GNAL: variants seen among roughly 807,000 people sequenced by gnomAD.
The protein encoded by GNAL is G protein subunit alpha L.
A neutral mutation model predicts 55.1 loss-of-function variants in GNAL; 18 were observed. That is an observed-to-expected ratio of 0.33 (90% CI 0.23 to 0.48). The LOEUF is 0.48. Among genes scored for constraint, GNAL ranks in the 20% least tolerant of loss-of-function variants. The probability of loss-of-function intolerance (pLI) is 0.99; values close to 1 mark genes in which losing one functional copy is unlikely to be tolerated. For synonymous variants in GNAL, 253 were observed against 237.0 expected (o/e 1.07, Z -0.62); for missense variants, 412 against 614.1 (o/e 0.67, Z 3.48).
At chr18:11,821,799 C>A (rs1421265825) in intron 4 of GNAL, among the ~76,000 whole-genome samples, 1 of 152,104 alleles carries the variant, frequency 6.6e-6, no homozygotes, top group Non-Finnish European at 1.5e-5. Context: ...GAGCAGGGGC[C>A]CCAGTAAATG....
At chr18:11,796,585 A>AAC (rs796241018) in intron 4 of GNAL, among the ~76,000 whole-genome samples, 1 of 149,346 alleles carries the variant, frequency 6.7e-6, no homozygotes, top group African/African-American at 2.5e-5. Flanking sequence ...CAAAAAAAAA[A>AAC]AAAAAAAAAA....
At chr18:11,822,820 CTTTTTTTT>C (rs56128456) in intron 4 of GNAL, among the ~76,000 whole-genome samples, 7 of 139,774 alleles carry the variant, frequency 5.0e-5, no homozygotes, top group South Asian at 4.6e-4. Flanking sequence ...TTTTTTTTTT[CTTTTTTTT>C]TTTTTTTTTT....
chr18:11,868,604 T>C lies in GNAL; in HGVS notation c.972T>C (p.Asp324=). Residue 324 remains aspartate, a synonymous_variant, in exon 9 of 12, where the codon GAT becomes GAC. Coordinates refer to ENST00000334049, the MANE Select transcript of GNAL (RefSeq NM_182978.4). The surrounding 1 kb of genome is among the most constrained non-coding windows in gnomAD (Gnocchi z 4.0). ...GCTACAACATGGTGATTCGAGAAGA[T>C]AACAACACCAACAGGCTGAGAGAGT... ...CSSYNMVIRE[D]NNTNRLRESL... is the part of the protein sequence containing the mutation. 6.2e-7 allele frequency: 1 copy of C among 1,612,240 alleles called. No individual in the cohort carries two copies. Among genetic ancestry groups the C allele is most frequent in the South Asian group, 1.1e-5 (1 of 90,972 alleles).
intron 5 of GNAL, among the ~76,000 whole-genome samples, chr18:11,845,358 C>T (rs2035708048): frequency 6.6e-6 from 1 of 151,884 alleles, no homozygotes; most frequent in South Asian, 2.1e-4. Flanking sequence ...TCAGAATAAA[C>T]TATGTTTCCC....
intron 1 of GNAL, among the ~76,000 whole-genome samples, chr18:11,730,031 C>CTTTTTTTTTTTTTTTT (rs1431492708): frequency 6.6e-6 from 1 of 151,434 alleles, no homozygotes; most frequent in African/African-American, 2.4e-5. Flanking sequence ...TTTTTCTTTT[C>CTTTTTTTTTTTTTTTT]TTTTCTTTTC....
intron 5 of GNAL, among the ~76,000 whole-genome samples, chr18:11,856,931 A>G (rs1011411492): frequency 6.6e-6 from 1 of 151,050 alleles, no homozygotes; most frequent in African/African-American, 2.5e-5. Flanking sequence ...GACTGTCTCA[A>G]AAAAATAAAA....
chr18:11,865,149 C>A (rs1486310442), intron 7 of GNAL, among the ~76,000 whole-genome samples: 1 of 139,916 alleles, frequency 7.1e-6, no homozygotes, highest in Non-Finnish European at 1.5e-5. Context: ...CCCTGGCTTA[C>A]CCATTTCAGT....
chr18:11,714,573 G>T (rs949071027), intron 1 of GNAL, among the ~76,000 whole-genome samples: 1 of 152,208 alleles, frequency 6.6e-6, no homozygotes, highest in East Asian at 1.9e-4. Context: ...TCAGAGGGAT[G>T]ATTTCTAGTC....
chr18:11,698,461 A>C (rs1271369114), intron 1 of GNAL, among the ~76,000 whole-genome samples: 1 of 146,346 alleles, frequency 6.8e-6, no homozygotes, highest in Non-Finnish European at 1.5e-5. Flanking sequence ...ACTACACTCC[A>C]TCCTGGGAGA....
intron 4 of GNAL, among the ~76,000 whole-genome samples, chr18:11,808,275 C>G (rs1157212304): frequency 6.6e-6 from 1 of 152,174 alleles, no homozygotes; most frequent in Non-Finnish European, 1.5e-5. Context: ...TGCTGTCCCT[C>G]TTCCCTCACA....
intron 1 of GNAL, among the ~76,000 whole-genome samples, chr18:11,690,606 C>T (rs1288770482): frequency 1.8e-5 from 2 of 111,124 alleles, no homozygotes; most frequent in Admixed American, 2.3e-4. Context: ...CTATCCCTCC[C>T]CCCTCCCCCC....
intron 5 of GNAL, among the ~76,000 whole-genome samples, chr18:11,828,090 G>A (rs983974480): frequency 6.6e-5 from 10 of 152,152 alleles, no homozygotes; most frequent in African/African-American, 1.7e-4. Context: ...GGTTGCTTTC[G>A]GTTTGGATGT....
chr18:11,851,278 C>T (rs79837209), intron 5 of GNAL: 2 of 495,820 alleles, frequency 4.0e-6, no homozygotes, highest in Admixed American at 3.8e-5. Flanking sequence ...CCAGAATCCC[C>T]CTGCATGCGC....
intron 1 of GNAL, among the ~76,000 whole-genome samples, chr18:11,738,669 G>A (rs2032508299): frequency 6.6e-6 from 1 of 152,026 alleles, no homozygotes; most frequent in African/African-American, 2.4e-5. Flanking sequence ...GGCTGGTCTC[G>A]AACTCCTGGC....
intron 4 of GNAL, among the ~76,000 whole-genome samples, chr18:11,784,232 G>A (rs1478511808): frequency 6.6e-6 from 1 of 152,258 alleles, no homozygotes; most frequent in Non-Finnish European, 1.5e-5. Flanking sequence ...TCACTGCATT[G>A]TGTTTCTGTC....
intron 4 of GNAL, among the ~76,000 whole-genome samples, chr18:11,809,190 G>A (rs780692180): frequency 9.9e-5 from 15 of 152,122 alleles, no homozygotes; most frequent in Admixed American, 7.2e-4. Flanking sequence ...CCTGGGAAGC[G>A]GAAGTTGCAG....
chr18:11,863,151 T>G (rs931307592), intron 6 of GNAL, among the ~76,000 whole-genome samples: 2 of 152,316 alleles, frequency 1.3e-5, no homozygotes, highest in African/African-American at 4.8e-5. Context: ...AATGCTGGGA[T>G]TACAGGCGTG....
At chr18:11,762,491 A>C (rs993164359) in intron 4 of GNAL, among the ~76,000 whole-genome samples, 1 of 152,168 alleles carries the variant, frequency 6.6e-6, no homozygotes, top group East Asian at 1.9e-4. Flanking sequence ...CATTTAAGGA[A>C]GTTCTTGGGG....
intron 1 of GNAL, among the ~76,000 whole-genome samples, chr18:11,741,169 C>G (rs535317363): frequency 6.6e-6 from 1 of 152,230 alleles, no homozygotes; most frequent in South Asian, 2.1e-4. Flanking sequence ...TTTGATTTTT[C>G]CTTTTGGAAT....
Sources: gnomAD v4.1 joint callset for allele counts (sites outside exome capture counted in the v4.1 genomes callset) on GRCh38, gnomAD v4.1.1 for gene constraint, Gnocchi (gnomAD v3.1) non-coding constraint, MANE v1.5 for transcripts, NCBI Gene and HGNC (gene_info 2026-07-23, HGNC 2026-07-21) for gene names.